Variants in PUM2 observed in about 807,000 individuals in gnomAD.
The protein encoded by PUM2 is pumilio homolog 2.
Under a neutral mutation model 124.5 loss-of-function variants are expected in PUM2, and 57 were observed. The ratio of observed to expected loss-of-function variants is 0.46; its 90% CI spans 0.37 to 0.57. The LOEUF is 0.57. Ranked by LOEUF, PUM2 falls within the 20% of genes least tolerant of loss-of-function variation. PUM2 has a pLI of 0.00. For missense variants in PUM2, 1,065 were observed against 1,290.6 expected (o/e 0.83, Z 2.68); for synonymous variants, 460 against 446.1 (o/e 1.03, Z -0.39).
chr2:20,287,006 G>A (rs958875276), intron 10 of PUM2, among the ~76,000 whole-genome samples: 6 of 151,988 alleles, frequency 3.9e-5, no homozygotes, highest in East Asian at 1.9e-4. Flanking sequence ...AAAAAACGAC[G>A]TAGGGAAGAA....
Position 20,308,346 on chromosome 2 carries a change from C to T in PUM2, c.757G>A (p.Val253Ile), listed in dbSNP as rs754481191. ...QVPMDSSGAT[V>I]GLFDYNSQQQ... Reference sequence around the variant, plus strand: ...TGGGAATTGTAGTCAAAAAGGCCTACAGTAGCTCCTGAAGAGTCCATTGGT... The same window carrying T: ...TGGGAATTGTAGTCAAAAAGGCCTATAGTAGCTCCTGAAGAGTCCATTGGT... The change falls in exon 6 of 21, where the codon GTA becomes ATA. Residue 253 changes from valine (V) to isoleucine (I), a missense_variant. Physicochemically the swap from Val to Ile is conservative, Grantham distance 29 (BLOSUM62 3). Transcript: ENST00000361078. 38 of 1,613,996 alleles carry T rather than the reference C, an allele frequency of 2.4e-5. No individual in the cohort carries two copies. Among genetic ancestry groups the T allele is most frequent in the Non-Finnish European group, 2.8e-5 (33 of 1,179,900 alleles).
intron 14 of PUM2, among the ~76,000 whole-genome samples, chr2:20,261,394 C>CAAAAAAAAAAAAAAAAAAAAAAAAAAAA (rs200294801): frequency 2.6e-5 from 2 of 76,786 alleles, no homozygotes; most frequent in Non-Finnish European, 5.4e-5. Context: ...ACTCTGTCTC[C>CAAAAAAAAAAAAAAAAAAAAAAAAAAAA]AAAAAAAAAA....
At position 20,253,746 on chromosome 2, in the gene PUM2, T is replaced by A. The variant is rs528815985; in HGVS notation, c.3063+76A>T. On this transcript the variant is annotated intron_variant, in intron 20 of 20. Transcript: ENST00000361078. ...TCCAGTTATAACATACGGGAGGAAA[T>A]GAAAGCCCAAGGAGGTTAAATGTGT... 6.1e-6 allele frequency: 8 copies of A among 1,317,672 alleles called. No homozygotes were observed. In the African/African-American group the frequency reaches 1.0e-4, roughly 17 times the overall value. 81.6% of individuals were successfully genotyped at this position (1,317,672 alleles called of 1,614,324 possible).
rs984530832 is a variant in PUM2, at chr2:20,342,738, T to C, written c.-19+7859A>G. Among the ~76,000 whole-genome samples, 3 of 152,346 alleles carry C rather than the reference T, an allele frequency of 2.0e-5. No individual in the cohort carries two copies. The East Asian group carries it at 5.8e-4, about 29-fold the overall frequency. On this transcript the variant is annotated intron_variant, in intron 1 of 20. Coordinates refer to ENST00000361078, the MANE Select transcript of PUM2 (RefSeq NM_015317.5). ...TAAATCTTTGAAGTAAAAGGAATCA[T>C]TTAGGTGATTAGCATGAATTGCGGT...
At chr2:20,259,688 C>T (rs529635348) in intron 15 of PUM2, among the ~76,000 whole-genome samples, 3 of 152,266 alleles carry the variant, frequency 2.0e-5, no homozygotes, top group South Asian at 2.1e-4. Context: ...CATCTGTTGA[C>T]GGACACTTGG....
intron 13 of PUM2, among the ~76,000 whole-genome samples, chr2:20,269,071 T>C (rs1391859821): frequency 6.6e-6 from 1 of 152,126 alleles, no homozygotes; most frequent in Non-Finnish European, 1.5e-5. Flanking sequence ...GTCTAAAAAA[T>C]TCATGTAAAG....
At chr2:20,282,401 G>C (rs1180194681) in intron 12 of PUM2, among the ~76,000 whole-genome samples, 1 of 152,170 alleles carries the variant, frequency 6.6e-6, no homozygotes, top group Non-Finnish European at 1.5e-5. Flanking sequence ...TAATCTAAAA[G>C]ATAACCATAC....
At chr2:20,331,073 T>G (rs1684801310) in intron 1 of PUM2, among the ~76,000 whole-genome samples, 1 of 152,060 alleles carries the variant, frequency 6.6e-6, no homozygotes, top group Admixed American at 6.5e-5. Flanking sequence ...GAAGTGGGAT[T>G]TGCTAACACA....
intron 2 of PUM2, among the ~76,000 whole-genome samples, chr2:20,324,853 TACA>T (rs745594410): frequency 5.9e-5 from 9 of 151,820 alleles, no homozygotes; most frequent in Non-Finnish European, 1.2e-4. Context: ...ATTAGAGATT[TACA>T]ACACTTAAGA....
At chr2:20,263,128 T>G (rs1014657151) in intron 14 of PUM2, 65 bp downstream of exon 14, 17 of 1,459,402 alleles carry the variant, frequency 1.2e-5, no homozygotes, top group Non-Finnish European at 1.5e-5. Flanking sequence ...CCAGAAAAAT[T>G]TAAGCTTTTA....
upstream of PUM2, among the ~76,000 whole-genome samples, chr2:20,351,601 A>G (rs1479003849): frequency 6.6e-6 from 1 of 152,188 alleles, no homozygotes; most frequent in Non-Finnish European, 1.5e-5. Context: ...GAAACTCCAA[A>G]TCTGCCTTGC....
intron 1 of PUM2, among the ~76,000 whole-genome samples, chr2:20,340,831 C>G (rs979761795): frequency 6.6e-5 from 10 of 152,110 alleles, no homozygotes; most frequent in Admixed American, 5.9e-4. Flanking sequence ...GAATACAGTT[C>G]CAGGTTGGCC....
chr2:20,343,225 C>T (rs1223271473), intron 1 of PUM2, among the ~76,000 whole-genome samples: 34 of 152,042 alleles, frequency 2.2e-4, no homozygotes, highest in Non-Finnish European at 1.3e-4. Flanking sequence ...AGGAAATATA[C>T]AATAAAACAA....
chr2:20,320,960 G>A (rs1452028959), intron 2 of PUM2, among the ~76,000 whole-genome samples: 1 of 152,130 alleles, frequency 6.6e-6, no homozygotes, highest in East Asian at 1.9e-4. Flanking sequence ...AAAAGTCTCA[G>A]TATCAAAATA....
At chr2:20,281,253 G>A (rs1464117771) in intron 12 of PUM2, among the ~76,000 whole-genome samples, 1 of 152,140 alleles carries the variant, frequency 6.6e-6, no homozygotes, top group Admixed American at 6.5e-5. Context: ...AATTAAGTAA[G>A]CCATGCTTGT....
At chr2:20,320,761 GTAAA>G (rs1226012213) in intron 2 of PUM2, among the ~76,000 whole-genome samples, 3 of 151,760 alleles carry the variant, frequency 2.0e-5, no homozygotes, top group Admixed American at 6.6e-5. Flanking sequence ...AAAGATTCAC[GTAAA>G]TATTCAACAA....
chr2:20,312,077 G>A (rs938506092), intron 4 of PUM2, among the ~76,000 whole-genome samples, 159 bp downstream of exon 4: 21 of 152,002 alleles, frequency 1.4e-4, no homozygotes, highest in African/African-American at 4.8e-4. Flanking sequence ...ATCATTTCAC[G>A]TTTTTCAAGT....
intron 13 of PUM2, among the ~76,000 whole-genome samples, chr2:20,269,428 C>T (rs1213031552): frequency 6.6e-6 from 1 of 152,044 alleles, no homozygotes; most frequent in African/African-American, 2.4e-5. Flanking sequence ...GTCTTGATCT[C>T]CTGACCTCGT....
intron 10 of PUM2, among the ~76,000 whole-genome samples, chr2:20,285,455 G>C (rs1315469165): frequency 6.6e-6 from 1 of 152,156 alleles, no homozygotes; most frequent in Non-Finnish European, 1.5e-5. Context: ...GTTCCTGGCT[G>C]TCTTTCTAGT....
Sources: gnomAD v4.1 joint callset for allele counts (sites outside exome capture counted in the v4.1 genomes callset) on GRCh38, gnomAD v4.1.1 for gene constraint, MANE v1.5 for transcripts, NCBI Gene and HGNC (gene_info 2026-07-23, HGNC 2026-07-21) for gene names.